The following PAF1 variants were observed in gnomAD, a reference collection of about 807,000 sequenced individuals.
PAF1 encodes the protein PAF1 component of Paf1/RNA polymerase II complex, also known as RNA polymerase II-associated factor 1 homolog.
In PAF1, 31 loss-of-function variants were observed where a neutral mutation model predicts 68.4. That is an observed-to-expected ratio of 0.45 (90% CI 0.34 to 0.61). PAF1 has a LOEUF of 0.61. PAF1 is among the 20% of genes least tolerant of loss of function. The pLI, the probability that PAF1 is intolerant of heterozygous loss-of-function variation, is 0.01. For missense variants in PAF1, 435 were observed against 692.9 expected, an observed-to-expected ratio of 0.63 and a Z score of 4.18; for synonymous variants, 256 against 240.5, an observed-to-expected ratio of 1.06 and a Z score of -0.60.
rs1568374837 is a variant in PAF1, at chr19:39,389,479, C to T, written c.359+1G>A. The T allele has an allele frequency of 6.2e-7, 1 of 1,614,132 alleles. No individual in the cohort carries two copies. Among genetic ancestry groups the T allele is most frequent in the Non-Finnish European group, 8.5e-7 (1 of 1,179,988 alleles). On this transcript the variant is annotated splice_donor_variant, in intron 5 of 13. Coordinates refer to ENST00000221265, the MANE Select transcript of PAF1 (RefSeq NM_019088.4). LOFTEE classifies it high-confidence loss of function. This position sits in a 1 kb window ranked among gnomAD's most constrained non-coding sequence, Gnocchi z 5.3. ...CCAGTACCCATTTGCTACCCACTCA[C>T]CTCTTGGAGCTGGTGGGGGCCTGAA...
rs2078233817 is a variant in PAF1 at position 39,385,838 on chromosome 19, G to A, written c.*153C>T. 8.8e-7 allele frequency: 1 copy of A among 1,140,210 alleles called. No individual in the cohort carries two copies. The highest frequency in any genetic ancestry group is 1.2e-6 in the Non-Finnish European group (1 of 814,804). The allele number at this position is 1,140,210 out of a possible 1,614,324, so 70.6% of individuals were successfully genotyped here. On this transcript the variant is annotated 3_prime_UTR_variant, in exon 14 of 14. Transcript: ENST00000221265. ...TGCTGGGCTGAATGACATCATAGGGGCTGGGAGGGGAAGTAAAGAGAAGTT... is the reference window on the plus strand; with the variant it reads ...TGCTGGGCTGAATGACATCATAGGGACTGGGAGGGGAAGTAAAGAGAAGTT...
Position 39,386,679 on chromosome 19 carries a change from A to T in PAF1, c.1092+15T>A. ...CTCCCTGCCATGGGTGCCCTGAGCCAGTGGTGCTTGTTACCTGAGCTTCCA... is the reference window on the plus strand; with the variant it reads ...CTCCCTGCCATGGGTGCCCTGAGCCTGTGGTGCTTGTTACCTGAGCTTCCA... On this transcript the variant is annotated intron_variant, in intron 12 of 13. Coordinates refer to ENST00000221265, the MANE Select transcript of PAF1 (RefSeq NM_019088.4). This position sits in a 1 kb window ranked among gnomAD's most constrained non-coding sequence, Gnocchi z 6.1. 2 of 1,606,294 alleles carry T rather than the reference A, an allele frequency of 1.2e-6. No individual in the cohort carries two copies. Among genetic ancestry groups the T allele is most frequent in the Non-Finnish European group, 1.7e-6 (2 of 1,172,792 alleles).
Position 39,390,089 on chromosome 19 carries a change from G to A in PAF1, c.150C>T (p.Thr50=), listed in dbSNP as rs2078342514. The change falls in exon 3 of 14, where the codon ACC becomes ACT. Residue 50 remains threonine (T), a synonymous_variant. Coordinates refer to ENST00000221265, the MANE Select transcript of PAF1 (RefSeq NM_019088.4). The part of the protein sequence containing the change: ...PDIPFDPKFI[T]YPFDQNRFVQ... ...CTCACCTGTTCTGGTCGAAGGGGTA[G>A]GTGATGAACTTGGGGTCGAAGGGGA... 5 of 1,613,742 alleles carry A rather than the reference G, an allele frequency of 3.1e-6. No homozygotes were observed. Among genetic ancestry groups the A allele is most frequent in the Non-Finnish European group, 4.2e-6 (5 of 1,179,620 alleles).
At position 39,389,506 on chromosome 19, in the gene PAF1, C is replaced by G. The variant is rs200763809; in HGVS notation, c.333G>C (p.Glu111Asp). ...DPADEKLLEE[E>D]IQAPTSSKRS... Reference sequence around the variant, plus strand: ...TCTTGGAGCTGGTGGGGGCCTGAATCTCCTCTTCCAAAAGTTTCTCATCAG... The same window carrying G: ...TCTTGGAGCTGGTGGGGGCCTGAATGTCCTCTTCCAAAAGTTTCTCATCAG... Residue 111 changes from glutamate to aspartate, a missense_variant, in exon 5 of 14, where the codon GAG (glutamate) becomes GAC (aspartate). Coordinates refer to ENST00000221265, the MANE Select transcript of PAF1 (RefSeq NM_019088.4). The surrounding 1 kb of genome is among the most constrained non-coding windows in gnomAD (Gnocchi z 5.3). The G allele has an allele frequency of 5.4e-5, 87 of 1,614,204 alleles. No homozygotes were observed. In the African/African-American group the frequency reaches 1.0e-3, roughly 19 times the overall value.
intron 1 of PAF1, 119 bp from the exon 2 acceptor site, chr19:39,390,408 G>T: frequency 1.1e-6 from 1 of 910,370 alleles, no homozygotes; most frequent in Non-Finnish European, 1.8e-6. Flanking sequence ...TTCTTTGGGT[G>T]GTGGTGTGGG....
In PAF1 at chr19:39,386,359, C is replaced by T. The variant is rs1555726816; in HGVS notation, c.1228G>A (p.Glu410Lys). The T allele has an allele frequency of 2.5e-6, 4 of 1,614,078 alleles. No individual in the cohort carries two copies. The highest frequency in any genetic ancestry group is 1.6e-4 in the Middle Eastern group (1 of 6,084). Residue 410 changes from glutamate to lysine, a missense_variant, in exon 14 of 14, where the codon GAA becomes AAA. By Grantham distance (56) the Glu-to-Lys change is moderately conservative (BLOSUM62 1). Transcript: ENST00000221265. The surrounding 1 kb of genome is among the most constrained non-coding windows in gnomAD (Gnocchi z 6.1). The part of the protein sequence containing the change: ...KGSSSEKEGS[E>K]DEHSGSESER... ...CTCTCGCTGCCCGAGTGCTCATCTT[C>T]ACTGCCCTCCTTCTCACTGCTGCTG...
Position 39,391,105 on chromosome 19 carries a change from C to T in PAF1, c.-241G>A. The T allele has an allele frequency of 1.6e-6, 1 of 635,632 alleles. No individual in the cohort carries two copies. The highest frequency in any genetic ancestry group is 2.7e-6 in the Non-Finnish European group (1 of 370,592). The allele number at this position is 635,632 out of a possible 1,614,324, so 39.4% of individuals were successfully genotyped here. ...GGTTCCACCAACTGCCGCCAAGACG[C>T]TGAGGACCCAACGGGTCTCCTCAGG... On this transcript the variant is annotated 5_prime_UTR_variant, in exon 1 of 14. Coordinates refer to ENST00000221265, the MANE Select transcript of PAF1 (RefSeq NM_019088.4).
At chr19:39,390,755 T>C in intron 1 of PAF1, 63 bp downstream of exon 1, 2 of 1,507,696 alleles carry the variant, frequency 1.3e-6, no homozygotes, top group East Asian at 2.4e-5. Context: ...GCTGGTGACG[T>C]TGTTCAGCAG....
intron 3 of PAF1, 22 bp downstream of exon 3, chr19:39,390,047 T>G: frequency 1.3e-6 from 2 of 1,589,726 alleles, no homozygotes; most frequent in South Asian, 1.1e-5. Context: ...ACCTGAGTAG[T>G]TTTCCCATTC....
At position 39,389,426 on chromosome 19, in the gene PAF1, T is replaced by TG; in HGVS notation, c.360-44dup. 6.2e-7 allele frequency: 1 copy of TG among 1,607,128 alleles called. No homozygotes were observed. Among genetic ancestry groups the TG allele is most frequent in the Non-Finnish European group, 8.5e-7 (1 of 1,173,626 alleles). The stretch of plus-strand genomic sequence containing the variant: ...GTATCTCAGGACCCCACTGCCCTCC[T>TG]GCTTGTAGGGCCCACCTGAGCCAGT... On this transcript the variant is annotated intron_variant, in intron 5 of 13. Coordinates refer to ENST00000221265, the MANE Select transcript of PAF1 (RefSeq NM_019088.4). The surrounding 1 kb of genome is among the most constrained non-coding windows in gnomAD (Gnocchi z 5.3).
chr19:39,386,406 G>A lies in PAF1; in HGVS notation c.1184-3C>T. On this transcript the variant is annotated splice_polypyrimidine_tract_variant and splice_region_variant and intron_variant, in intron 13 of 13. Coordinates refer to ENST00000221265, the MANE Select transcript of PAF1 (RefSeq NM_019088.4). This position sits in a 1 kb window ranked among gnomAD's most constrained non-coding sequence, Gnocchi z 6.1. ...GCTGCCCTTCTCCTGCTCCTCATCT[G>A]GAAGGGAGTGGAGAGAGATGAAACC... The A allele has an allele frequency of 6.2e-7, 1 of 1,614,036 alleles. No individual in the cohort carries two copies. Among genetic ancestry groups the A allele is most frequent in the Non-Finnish European group, 8.5e-7 (1 of 1,179,946 alleles).
chr19:39,388,581 A>C lies in PAF1; in HGVS notation c.836T>G (p.Met279Arg). The change falls in exon 10 of 14, where the codon ATG becomes AGG. Residue 279 changes from methionine to arginine, a missense_variant. Physicochemically the swap from Met to Arg is moderately conservative, Grantham distance 91. This residue lies in a region of PAF1 where 151 missense variants were observed against 306.3 expected (regional missense o/e 0.49). Transcript: ENST00000221265. Reference protein sequence around the residue: ...KKRKRDQEEEMDYAPDDVYDY... With the variant: ...KKRKRDQEEERDYAPDDVYDY... Reference sequence around the variant, plus strand: ...GCACACATCATCTGGTGCATAGTCCATCTCCTCCTCCTGGTCCCGCTTTCG... The same window carrying C: ...GCACACATCATCTGGTGCATAGTCCCTCTCCTCCTCCTGGTCCCGCTTTCG... 1.2e-6 allele frequency: 2 copies of C among 1,613,506 alleles called. No individual in the cohort carries two copies. Among genetic ancestry groups the C allele is most frequent in the Non-Finnish European group, 1.7e-6 (2 of 1,179,472 alleles).
Position 39,386,216 on chromosome 19 carries a change from A to G in PAF1, c.1371T>C (p.Asp457=), listed in dbSNP as rs1240343297. ...AGTCGGCATCGTCCTCAGAATCAGC[A>G]TCACTGCCAAAGATCTCCTCTTTGT... is the stretch of plus-strand genomic sequence containing the variant. ...ARDKEEIFGS[D]ADSEDDADSD... The change falls in exon 14 of 14, where the codon GAT becomes GAC. Residue 457 remains aspartate (D), a synonymous_variant. Coordinates refer to ENST00000221265, the MANE Select transcript of PAF1 (RefSeq NM_019088.4). The surrounding 1 kb of genome is among the most constrained non-coding windows in gnomAD (Gnocchi z 6.1). 1.2e-6 allele frequency: 2 copies of G among 1,614,012 alleles called. No homozygotes were observed. Among genetic ancestry groups the G allele is most frequent in the Admixed American group, 3.3e-5 (2 of 60,002 alleles).
rs1228856319 is a variant in PAF1, at chr19:39,389,555, G to C, written c.293-9C>G. 6.2e-7 allele frequency: 1 copy of C among 1,614,184 alleles called. No individual in the cohort carries two copies. ...AGCTGGATCTAGAAGAACTAGAGGA[G>C]AGCGGGGGGCAGGAGGACCATGAGG... On this transcript the variant is annotated splice_polypyrimidine_tract_variant and intron_variant, in intron 4 of 13. Coordinates refer to ENST00000221265, the MANE Select transcript of PAF1 (RefSeq NM_019088.4). The surrounding 1 kb of genome is among the most constrained non-coding windows in gnomAD (Gnocchi z 5.3).
chr19:39,388,036 G>C (rs963603420), intron 11 of PAF1, among the ~76,000 whole-genome samples: 1 of 152,198 alleles, frequency 6.6e-6, no homozygotes, highest in Non-Finnish European at 1.5e-5. Context: ...AGCTACTCAG[G>C]AGGCTGAGGC....
rs1010208733 is a variant in PAF1, at chr19:39,390,974, G to A, written c.-110C>T. On this transcript the variant is annotated 5_prime_UTR_variant, in exon 1 of 14. Coordinates refer to ENST00000221265, the MANE Select transcript of PAF1 (RefSeq NM_019088.4). ...TGATCCGAGGAAGGCCCAGCTTGGC[G>A]CCGCTCCCCGCGGAAAGTGGGTTGA... 11 of 1,117,214 alleles carry A rather than the reference G, an allele frequency of 9.8e-6. No individual in the cohort carries two copies. The highest frequency in any genetic ancestry group is 1.4e-5 in the Non-Finnish European group (11 of 788,594). 69.2% of individuals were successfully genotyped at this position (1,117,214 alleles called of 1,614,324 possible). A position where few individuals can be genotyped will look rare whatever the true frequency, so the allele number is the denominator to read the frequency against.
intron 8 of PAF1, 23 bp from the exon 9 acceptor site, chr19:39,388,888 G>A: frequency 6.2e-7 from 1 of 1,611,622 alleles, no homozygotes; most frequent in Non-Finnish European, 8.5e-7. Context: ...AGGCACTGGG[G>A]TTAGATGGGA....
At chr19:39,390,682 CAGAA>C in intron 1 of PAF1, 132 bp downstream of exon 1, 1 of 935,098 alleles carries the variant, frequency 1.1e-6, no homozygotes, top group Non-Finnish European at 1.7e-6. Context: ...ACCTGAATCT[CAGAA>C]GGAACCCGCC....
chr19:39,387,731 A>G (rs1843757430), intron 11 of PAF1, among the ~76,000 whole-genome samples: 1 of 152,202 alleles, frequency 6.6e-6, no homozygotes, highest in South Asian at 2.1e-4. Flanking sequence ...CATTCATGCT[A>G]ATTTTATATA....
Sources: allele counts gnomAD v4.1 joint callset (sites outside exome capture counted in the v4.1 genomes callset), GRCh38; gene constraint gnomAD v4.1.1; regional missense constraint gnomAD v4.1.1; non-coding constraint Gnocchi (gnomAD v3.1); transcripts MANE v1.5; gene names NCBI Gene and HGNC (gene_info 2026-07-23, HGNC 2026-07-21).